The following VASN variants were observed in gnomAD, a reference collection of about 807,000 sequenced individuals.
VASN encodes the protein vasorin, also known as protein slit-like 2.
In VASN, 5 loss-of-function variants were observed where a neutral mutation model predicts 4.8. The ratio of observed to expected loss-of-function variants is 1.03; its 90% CI spans 0.54 to 2.17. VASN has a LOEUF of 2.17. VASN is among the 30% of genes most tolerant of loss of function. The pLI, the probability that VASN is intolerant of heterozygous loss-of-function variation, is 0.01. For synonymous variants in VASN, 499 were observed against 460.8 expected (o/e 1.08, Z -1.06); for missense variants, 927 against 948.8 (o/e 0.98, Z 0.30).
chr16:4,372,375 T>C (rs1425994346), intron 1 of VASN, among the ~76,000 whole-genome samples: 2 of 152,244 alleles, frequency 1.3e-5, no homozygotes, highest in Non-Finnish European at 2.9e-5. Context: ...CACTTTTCCC[T>C]CCTGGGGTCC....
Position 4,382,295 on chromosome 16 carries a change from C to A in VASN, c.1418C>A (p.Pro473His). 1 of 1,610,098 alleles carries A rather than the reference C, an allele frequency of 6.2e-7. No individual in the cohort carries two copies. Among genetic ancestry groups the A allele is most frequent in the South Asian group, 1.1e-5 (1 of 90,578 alleles). The change falls in exon 2 of 2, where the codon CCC becomes CAC. Residue 473 changes from proline to histidine, a missense_variant. Physicochemically the swap from Pro to His is moderately conservative, Grantham distance 77 (BLOSUM62 -2). Coordinates refer to ENST00000304735, the MANE Select transcript of VASN (RefSeq NM_138440.3). ...ACCCTGGGCATCGAGCCGGTGAGCCCCACCTCCCTGCGCGTGGGGCTGCAG... is the reference window on the plus strand; with the variant it reads ...ACCCTGGGCATCGAGCCGGTGAGCCACACCTCCCTGCGCGTGGGGCTGCAG... ...SLTLGIEPVS[P>H]TSLRVGLQRY...
At position 4,381,559 on chromosome 16, in the gene VASN, C is replaced by T; in HGVS notation, c.682C>T (p.Leu228=). The T allele has an allele frequency of 4.4e-6, 7 of 1,605,282 alleles. No individual in the cohort carries two copies. Among genetic ancestry groups the T allele is most frequent in the Admixed American group, 1.7e-5 (1 of 59,060 alleles). The change falls in exon 2 of 2, where the codon CTG becomes TTG. Residue 228 remains leucine, a synonymous_variant. Transcript: ENST00000304735. ...LHDLDVSDNQ[L]ERVPPVIRGL... Reference sequence around the variant, plus strand: ...CGACCTGGATGTGTCCGACAACCAGCTGGAGCGAGTGCCACCTGTGATCCG... The same window carrying T: ...CGACCTGGATGTGTCCGACAACCAGTTGGAGCGAGTGCCACCTGTGATCCG...
chr16:4,373,952 C>A (rs2054622291), intron 1 of VASN, among the ~76,000 whole-genome samples: 1 of 152,180 alleles, frequency 6.6e-6, no homozygotes. Flanking sequence ...AGTGACCTCT[C>A]CTGGACCCCC....
chr16:4,373,297 C>T (rs934801755), intron 1 of VASN, among the ~76,000 whole-genome samples: 8 of 152,114 alleles, frequency 5.3e-5, no homozygotes, highest in African/African-American at 1.9e-4. Context: ...CTCCCCTGGG[C>T]CTGGGGAGGG....
At chr16:4,372,570 G>C (rs557940970) in intron 1 of VASN, among the ~76,000 whole-genome samples, 11 of 152,298 alleles carry the variant, frequency 7.2e-5, no homozygotes, top group Admixed American at 5.9e-4. Flanking sequence ...AGAGCTTCGG[G>C]TATCAGGCAG....
chr16:4,380,840 T>A, intron 1 of VASN, 29 bp from the exon 2 acceptor site: 1 of 1,443,862 alleles, frequency 6.9e-7, no homozygotes, highest in Non-Finnish European at 9.1e-7. Context: ...ACTCACAGTC[T>A]TCTGTCTCTG....
Position 4,382,188 on chromosome 16 carries a change from G to A in VASN, c.1311G>A (p.Thr437=), listed in dbSNP as rs369159357. The A allele has an allele frequency of 1.9e-5, 31 of 1,599,676 alleles. No individual in the cohort carries two copies. The African/African-American group carries it at 2.5e-4, about 13-fold the overall frequency. ...HLACLCPEGF[T]GLYCESQMGQ... ...CGTGCTTGTGCCCCGAAGGCTTCAC[G>A]GGCCTGTACTGTGAGAGCCAGATGG... is the stretch of plus-strand genomic sequence containing the variant. Residue 437 remains threonine, a synonymous_variant, in exon 2 of 2, where the codon ACG becomes ACA. Transcript: ENST00000304735.
rs771516631 is a variant in VASN at position 4,381,976 on chromosome 16, G to A, written c.1099G>A (p.Glu367Lys). 3.1e-6 allele frequency: 5 copies of A among 1,607,922 alleles called. No individual in the cohort carries two copies. Among genetic ancestry groups the A allele is most frequent in the African/African-American group, 2.7e-5 (2 of 74,860 alleles). ...TVPTTRPVVR[E>K]PTALSSSLAP... is the part of the protein sequence containing the mutation. ...GCCCACCACGAGGCCCGTGGTGCGG[G>A]AGCCCACAGCCTTGTCTTCTAGCTT... The change falls in exon 2 of 2, where the codon GAG becomes AAG. Residue 367 changes from glutamate to lysine, a missense_variant. Transcript: ENST00000304735.
In VASN at chr16:4,383,208, G is replaced by C. The variant is rs2055065886; in HGVS notation, c.*309G>C. 2 of 344,358 alleles carry C rather than the reference G, an allele frequency of 5.8e-6. No homozygotes were observed. Among genetic ancestry groups the C allele is most frequent in the Non-Finnish European group, 1.1e-5 (2 of 182,524 alleles). The allele number at this position is 344,358 out of a possible 1,614,324, so 21.3% of individuals were successfully genotyped here. ...GCCATGTGCTGGTAACGCATGCCTG[G>C]GCCCTGCTGGGCTCTCCCACTCCAG... On this transcript the variant is annotated 3_prime_UTR_variant, in exon 2 of 2. Transcript: ENST00000304735.
In VASN at chr16:4,381,161, T is replaced by C. The variant is rs2141244546; in HGVS notation, c.284T>C (p.Val95Ala). 6.2e-7 allele frequency: 1 copy of C among 1,610,984 alleles called. No homozygotes were observed. The highest frequency in any genetic ancestry group is 8.5e-7 in the Non-Finnish European group (1 of 1,179,286). The change falls in exon 2 of 2, where the codon GTC becomes GCC. Residue 95 changes from valine to alanine, a missense_variant. Coordinates refer to ENST00000304735, the MANE Select transcript of VASN (RefSeq NM_138440.3). ...CAGATCGCCAGCCTGCCCAGCGGGG[T>C]CTTCCAGCCACTCGCCAACCTCAGC... is the stretch of plus-strand genomic sequence containing the variant. ...QNQIASLPSG[V>A]FQPLANLSNL... is the part of the protein sequence containing the mutation.
At chr16:4,373,631 C>T (rs901003307) in intron 1 of VASN, among the ~76,000 whole-genome samples, 1 of 152,136 alleles carries the variant, frequency 6.6e-6, no homozygotes, top group South Asian at 2.1e-4. Context: ...GATGGGTCCG[C>T]GGCTCCTAGC....
intron 1 of VASN, 105 bp from the exon 2 acceptor site, chr16:4,380,764 C>T (rs904406637): frequency 2.4e-6 from 3 of 1,267,434 alleles, no homozygotes; most frequent in Non-Finnish European, 3.2e-6. Context: ...GGTTCTCTTG[C>T]ATTTGGGGGC....
At chr16:4,374,798 C>T (rs1007834311) in intron 1 of VASN, among the ~76,000 whole-genome samples, 2 of 152,122 alleles carry the variant, frequency 1.3e-5, no homozygotes, top group Non-Finnish European at 2.9e-5. Flanking sequence ...GGGCAAGACC[C>T]CTTCCAGGGC....
intron 1 of VASN, among the ~76,000 whole-genome samples, chr16:4,378,123 C>T (rs1223002494): frequency 6.6e-6 from 1 of 152,178 alleles, no homozygotes; most frequent in Non-Finnish European, 1.5e-5. Flanking sequence ...AGCTGGCCTG[C>T]ACACCTGGCC....
Position 4,382,152 on chromosome 16 carries a change from G to C in VASN, c.1275G>C (p.Arg425=), listed in dbSNP as rs776443067. 6.3e-7 allele frequency: 1 copy of C among 1,591,522 alleles called. No homozygotes were observed. Among genetic ancestry groups the C allele is most frequent in the Admixed American group, 1.7e-5 (1 of 57,754 alleles). ...GGGGCACATGCCACCTGGGGACACG[G>C]CACCACCTGGCGTGCTTGTGCCCCG... The part of the protein sequence containing the change: ...LNGGTCHLGT[R]HHLACLCPEG... Residue 425 remains arginine, a synonymous_variant, in exon 2 of 2, where the codon CGG becomes CGC. Coordinates refer to ENST00000304735, the MANE Select transcript of VASN (RefSeq NM_138440.3).
rs201357536 is a variant in VASN at position 4,382,150 on chromosome 16, C to T, written c.1273C>T (p.Arg425Trp). ...LNGGTCHLGTRHHLACLCPEG... is the reference protein window; with the variant it reads ...LNGGTCHLGTWHHLACLCPEG... ...TGGGGGCACATGCCACCTGGGGACA[C>T]GGCACCACCTGGCGTGCTTGTGCCC... is the stretch of plus-strand genomic sequence containing the variant. Residue 425 changes from arginine (R) to tryptophan (W), a missense_variant, in exon 2 of 2, where the codon CGG becomes TGG. By Grantham distance (101) the Arg-to-Trp change is moderately radical (BLOSUM62 -3). Transcript: ENST00000304735. 489 of 1,591,732 alleles carry T rather than the reference C, an allele frequency of 3.1e-4. 1 individual carries two copies. Among genetic ancestry groups the T allele is most frequent in the Non-Finnish European group, 4.0e-4 (464 of 1,170,272 alleles).
chr16:4,375,389 C>T (rs1395002052), intron 1 of VASN, among the ~76,000 whole-genome samples: 1 of 152,264 alleles, frequency 6.6e-6, no homozygotes, highest in Non-Finnish European at 1.5e-5. Flanking sequence ...TGACTGTCCC[C>T]TTTGCAACCC....
rs960773115 is a variant in VASN at position 4,381,142 on chromosome 16, G to T, written c.265G>T (p.Ala89Ser). ...CCTGGACCTGTCACAGAACCAGATCGCCAGCCTGCCCAGCGGGGTCTTCCA... is the reference window on the plus strand; with the variant it reads ...CCTGGACCTGTCACAGAACCAGATCTCCAGCCTGCCCAGCGGGGTCTTCCA... ...QLLDLSQNQI[A>S]SLPSGVFQPL... Residue 89 changes from alanine (A) to serine (S), a missense_variant, in exon 2 of 2, where the codon GCC becomes TCC. Transcript: ENST00000304735. The T allele has an allele frequency of 6.8e-6, 11 of 1,610,066 alleles. No individual in the cohort carries two copies. The highest frequency in any genetic ancestry group is 2.7e-5 in the African/African-American group (2 of 74,884).
Position 4,383,043 on chromosome 16 carries a change from TC to T in VASN, c.*147del, listed in dbSNP as rs963623904. 2.2e-6 allele frequency: 2 copies of T among 921,948 alleles called. No individual in the cohort carries two copies. The highest frequency in any genetic ancestry group is 2.0e-5 in the South Asian group (1 of 50,876). 57.1% of individuals were successfully genotyped at this position (921,948 alleles called of 1,614,324 possible). ...CTGTGTGACCACAGCTGGGCCCTGT[TC>T]CCTCTGGACCTCGGTCTCCTCATCT... On this transcript the variant is annotated 3_prime_UTR_variant, in exon 2 of 2. Transcript: ENST00000304735.
Sources: gnomAD v4.1 joint callset for allele counts (sites outside exome capture counted in the v4.1 genomes callset) on GRCh38, gnomAD v4.1.1 for gene constraint, MANE v1.5 for transcripts, NCBI Gene and HGNC (gene_info 2026-07-23, HGNC 2026-07-21) for gene names.